Variants in NUP210 observed in about 807,000 individuals in gnomAD.
NUP210 encodes nucleoporin 210.
NUP210 carries 151 observed loss-of-function variants against 196.0 expected under a neutral mutation model. That is an observed-to-expected ratio of 0.77 (90% CI 0.67 to 0.88). The LOEUF is 0.88. Among genes scored for constraint, NUP210 ranks in the 40% least tolerant of loss-of-function variants. NUP210 has a pLI of 0.00. For missense variants in NUP210, 2,314 were observed against 2,493.7 expected (o/e 0.93, Z 1.53); for synonymous variants, 1,070 against 1,052.7 (o/e 1.02, Z -0.32).
rs750312062 is a variant in NUP210 at position 13,332,368 on chromosome 3, T to C, written c.3860A>G (p.Gln1287Arg). ...EIQVQVFEKL[Q>R]LLNPEIEAEQ... The stretch of plus-strand genomic sequence containing the variant: ...TGCTTCTATTTCAGGGTTGAGCAGC[T>C]GCAGCTTCTCAAACACCTGCAAGAG... The change falls in exon 29 of 40, where the codon CAG (glutamine) becomes CGG (arginine). Residue 1287 changes from glutamine (Q) to arginine (R), a missense_variant. Coordinates refer to ENST00000254508, the MANE Select transcript of NUP210 (RefSeq NM_024923.4). 1.9e-6 allele frequency: 3 copies of C among 1,613,556 alleles called. No homozygotes were observed. Among genetic ancestry groups the C allele is most frequent in the Non-Finnish European group, 2.5e-6 (3 of 1,179,708 alleles).
At chr3:13,412,231 C>CTTTTTTTTTTTTTTTT (rs71066953) in intron 1 of NUP210, among the ~76,000 whole-genome samples, 7 of 104,788 alleles carry the variant, frequency 6.7e-5, no homozygotes, top group African/African-American at 3.6e-4. Flanking sequence ...TTTTCCTTTT[C>CTTTTTTTTTTTTTTTT]TTTTTTTTTT....
intron 36 of NUP210, among the ~76,000 whole-genome samples, chr3:13,321,174 C>T (rs1487869787): frequency 2.0e-5 from 3 of 152,262 alleles, no homozygotes; most frequent in Non-Finnish European, 4.4e-5. Flanking sequence ...AATCCCACCC[C>T]GTGACTTAGT....
chr3:13,355,914 T>C (rs1231524171), intron 16 of NUP210, among the ~76,000 whole-genome samples: 1 of 152,184 alleles, frequency 6.6e-6, no homozygotes, highest in African/African-American at 2.4e-5. Context: ...GGCAACAACA[T>C]AAGCCCCATA....
intron 1 of NUP210, among the ~76,000 whole-genome samples, chr3:13,402,705 G>A (rs974393415): frequency 3.6e-5 from 5 of 137,442 alleles, no homozygotes; most frequent in African/African-American, 1.3e-4. Context: ...TTCATTTTCC[G>A]TCAAAAAAAA....
In NUP210 at chr3:13,337,819, C is replaced by A. The variant is rs200087622; in HGVS notation, c.3552+18G>T. On this transcript the variant is annotated intron_variant, in intron 26 of 39. Coordinates refer to ENST00000254508, the MANE Select transcript of NUP210 (RefSeq NM_024923.4). ...GCTCTTCGGGAACCAGGATTCAGAG[C>A]CCAGGAGGTCCCCTCACCTGGGTGC... is the stretch of plus-strand genomic sequence containing the variant. The A allele has an allele frequency of 1.3e-3, 2,057 of 1,601,780 alleles. 2 individuals are homozygous for A. Among genetic ancestry groups the A allele is most frequent in the Non-Finnish European group, 1.6e-3 (1,926 of 1,175,722 alleles).
Position 13,319,061 on chromosome 3 carries a change from G to A in NUP210, c.5563+11C>T. On this transcript the variant is annotated intron_variant, in intron 39 of 39. Coordinates refer to ENST00000254508, the MANE Select transcript of NUP210 (RefSeq NM_024923.4). ...GCTCTGCCTGGTTGTGCCTGCAGGG[G>A]GGCTACTCACAGTGGGGGCTGTGTC... 2 of 1,595,464 alleles carry A rather than the reference G, an allele frequency of 1.3e-6. No homozygotes were observed. Among genetic ancestry groups the A allele is most frequent in the Non-Finnish European group, 8.5e-7 (1 of 1,172,808 alleles).
chr3:13,369,142 C>T (rs895039257), intron 13 of NUP210, among the ~76,000 whole-genome samples: 5 of 152,138 alleles, frequency 3.3e-5, no homozygotes, highest in Non-Finnish European at 5.9e-5. Context: ...GAGTGTAGTG[C>T]TTTTCATTGT....
rs1294737512 is a variant in NUP210 at position 13,379,907 on chromosome 3, G to C, written c.818-186C>G. 6.6e-6 allele frequency among the ~76,000 whole-genome samples: 1 copy of C among 152,104 alleles called. No individual in the cohort carries two copies. The highest frequency in any genetic ancestry group is 2.4e-5 in the African/African-American group (1 of 41,390). ...GTTCTGCATGCTGGTGGACAAAACTGACACTCCATGAATTTTCAGAGGCAA... is the reference window on the plus strand; with the variant it reads ...GTTCTGCATGCTGGTGGACAAAACTCACACTCCATGAATTTTCAGAGGCAA... On this transcript the variant is annotated intron_variant, in intron 6 of 39. Coordinates refer to ENST00000254508, the MANE Select transcript of NUP210 (RefSeq NM_024923.4). The surrounding 1 kb of genome is among the most constrained non-coding windows in gnomAD (Gnocchi z 4.2).
In NUP210 at chr3:13,337,871, C is replaced by A; in HGVS notation, c.3518G>T (p.Arg1173Leu). 1 of 1,612,616 alleles carries A rather than the reference C, an allele frequency of 6.2e-7. No homozygotes were observed. Residue 1173 changes from arginine (R) to leucine (L), a missense_variant, in exon 26 of 40, where the codon CGC becomes CTC. Coordinates refer to ENST00000254508, the MANE Select transcript of NUP210 (RefSeq NM_024923.4). The stretch of plus-strand genomic sequence containing the variant: ...CGTCCTCATCCGCATGATGGGGGCG[C>A]GGATCCTCACGGCCCTTAGCAGCAG... ...EVLLLRAVRI[R>L]APIMRMRTGT...
intron 1 of NUP210, among the ~76,000 whole-genome samples, chr3:13,416,807 G>T (rs1486267433): frequency 6.6e-6 from 1 of 152,212 alleles, no homozygotes; most frequent in Non-Finnish European, 1.5e-5. Flanking sequence ...GGTTCCCGAG[G>T]TGCCCAAATA....
Position 13,340,338 on chromosome 3 carries a change from A to C in NUP210, c.3229-40T>G. 2 of 1,577,072 alleles carry C rather than the reference A, an allele frequency of 1.3e-6. No homozygotes were observed. Among genetic ancestry groups the C allele is most frequent in the Non-Finnish European group, 1.7e-6 (2 of 1,147,492 alleles). On this transcript the variant is annotated intron_variant, in intron 23 of 39. Coordinates refer to ENST00000254508, the MANE Select transcript of NUP210 (RefSeq NM_024923.4). The surrounding 1 kb of genome is among the most constrained non-coding windows in gnomAD (Gnocchi z 4.0). ...AGGAGAGAAAGGACTACTGTGCCCC[A>C]AGCCCATGGCGCCAAGCATAACTCA...
At chr3:13,410,179 C>CCTTTCT (rs1700121625) in intron 1 of NUP210, among the ~76,000 whole-genome samples, 1 of 144,066 alleles carries the variant, frequency 6.9e-6, no homozygotes, top group South Asian at 2.2e-4. Flanking sequence ...ATTTTTTTTT[C>CCTTTCT]CTTTTTCTTT....
chr3:13,358,509 G>C (rs1698265170), intron 15 of NUP210, 114 bp from the exon 16 acceptor site: 1 of 1,052,664 alleles, frequency 9.5e-7, no homozygotes, highest in South Asian at 1.7e-5. Flanking sequence ...CTATAGGATG[G>C]GAGTGATGAC....
At chr3:13,344,597 T>A (rs775191715) in intron 20 of NUP210, among the ~76,000 whole-genome samples, 11 of 152,070 alleles carry the variant, frequency 7.2e-5, no homozygotes, top group Admixed American at 5.2e-4. Context: ...GACAACCAAA[T>A]AGGATCACAT....
At chr3:13,325,243 T>C (rs1259068751) in intron 33 of NUP210, among the ~76,000 whole-genome samples, 3 of 152,204 alleles carry the variant, frequency 2.0e-5, no homozygotes, top group African/African-American at 7.2e-5. Flanking sequence ...GATGCCTCTG[T>C]CTGCAACTGG....
At position 13,375,624 on chromosome 3, in the gene NUP210, T is replaced by C; in HGVS notation, c.1311A>G (p.Ile437Met). 7 of 1,613,910 alleles carry C rather than the reference T, an allele frequency of 4.3e-6. No homozygotes were observed. Among genetic ancestry groups the C allele is most frequent in the Non-Finnish European group, 5.9e-6 (7 of 1,179,982 alleles). The change falls in exon 11 of 40, where the codon ATA (isoleucine) becomes ATG (methionine). Residue 437 changes from isoleucine (I) to methionine (M), a missense_variant. Transcript: ENST00000254508. Reference protein sequence around the residue: ...SVVDQDGGVHILQVPVWNQQE... With the variant: ...SVVDQDGGVHMLQVPVWNQQE... ...GCTGGTTCCACACAGGCACCTGTAGTATGTGGACCCCTCCATCCTACAAGG... is the reference window on the plus strand; with the variant it reads ...GCTGGTTCCACACAGGCACCTGTAGCATGTGGACCCCTCCATCCTACAAGG...
At position 13,358,404 on chromosome 3, in the gene NUP210, G is replaced by T. The variant is rs753235354; in HGVS notation, c.2155-9C>A. ...ACCGACAGGGCGATGACCTGGTAGG[G>T]CACAGTGAACAGTCAGACCCCCAAG... On this transcript the variant is annotated splice_polypyrimidine_tract_variant and intron_variant, in intron 15 of 39. Transcript: ENST00000254508. 9 of 1,602,346 alleles carry T rather than the reference G, an allele frequency of 5.6e-6. No homozygotes were observed. In the East Asian group the frequency reaches 2.0e-4, roughly 36 times the overall value.
At chr3:13,343,658 C>T (rs1333301755) in intron 20 of NUP210, among the ~76,000 whole-genome samples, 3 of 152,166 alleles carry the variant, frequency 2.0e-5, no homozygotes, top group Non-Finnish European at 4.4e-5. Flanking sequence ...AGCCTTGGGA[C>T]GTGCACCAAC....
At chr3:13,400,396 C>T (rs867209071) in intron 1 of NUP210, among the ~76,000 whole-genome samples, 6 of 152,266 alleles carry the variant, frequency 3.9e-5, no homozygotes, top group East Asian at 1.9e-4. Flanking sequence ...GCCTGCGGAG[C>T]GGATATTATA....
Sources: gnomAD v4.1 joint callset for allele counts (sites outside exome capture counted in the v4.1 genomes callset) on GRCh38, gnomAD v4.1.1 for gene constraint, Gnocchi (gnomAD v3.1) non-coding constraint, MANE v1.5 for transcripts, NCBI Gene and HGNC (gene_info 2026-07-23, HGNC 2026-07-21) for gene names.